The following CLRN1 variants were observed in gnomAD, a reference collection of about 807,000 sequenced individuals.
CLRN1 encodes the protein clarin-1.
Under a neutral mutation model 18.7 loss-of-function variants are expected in CLRN1, and 15 were observed. That is an observed-to-expected ratio of 0.80 (90% CI 0.54 to 1.23). The LOEUF (loss-of-function observed/expected upper bound fraction) is 1.23, where lower values mean the gene tolerates loss of function less well. Ranked by LOEUF, CLRN1 falls within the 50% of genes most tolerant of loss-of-function variation. The pLI, the probability that CLRN1 is intolerant of heterozygous loss-of-function variation, is 0.00. For missense variants in CLRN1, 311 were observed against 277.5 expected (o/e 1.12, Z -0.86); for synonymous variants, 104 against 102.9 (o/e 1.01, Z -0.07).
chr3:150,936,995 A>G (rs1713530781), intron 2 of CLRN1, among the ~76,000 whole-genome samples: 1 of 152,186 alleles, frequency 6.6e-6, no homozygotes, highest in Admixed American at 6.5e-5. Context: ...GATCTCTGCT[A>G]TCTTTCTCTT....
At chr3:150,938,870 C>T (rs1247095216) in intron 2 of CLRN1, among the ~76,000 whole-genome samples, 3 of 152,208 alleles carry the variant, frequency 2.0e-5, no homozygotes, top group Non-Finnish European at 4.4e-5. Context: ...GTTCTCCTTG[C>T]ATTAGGCCTG....
At chr3:150,969,777 C>G (rs993841838) in intron 1 of CLRN1, among the ~76,000 whole-genome samples, 1 of 151,880 alleles carries the variant, frequency 6.6e-6, no homozygotes, top group African/African-American at 2.4e-5. Context: ...ATGAGACCAG[C>G]CTGGCCCACA....
At chr3:150,955,850 A>G (rs1286700376) in intron 1 of CLRN1, among the ~76,000 whole-genome samples, 1 of 152,200 alleles carries the variant, frequency 6.6e-6, no homozygotes, top group Non-Finnish European at 1.5e-5. Flanking sequence ...GAACAATTTT[A>G]TAACTATGAA....
At chr3:150,970,517 G>GAA (rs11464588) in intron 1 of CLRN1, among the ~76,000 whole-genome samples, 3,264 of 144,140 alleles carry the variant, frequency 0.023, 44 homozygotes, top group African/African-American at 0.026. Flanking sequence ...TTATGCTTAG[G>GAA]AAAAAAAAAA....
rs1191347419 is a variant in CLRN1 at position 150,941,671 on chromosome 3, C to T, written c.344G>A (p.Gly115Glu). 6.2e-7 allele frequency: 1 copy of T among 1,613,882 alleles called. No individual in the cohort carries two copies. Residue 115 changes from glycine to glutamate, a missense_variant, in exon 2 of 3, where the codon GGG becomes GAG. Coordinates refer to ENST00000327047, the MANE Select transcript of CLRN1 (RefSeq NM_174878.3). ...AGCATTGTACATGAAGAAGGCTGTC[C>T]CCACCATGGTTAACACAATAAGGAT... ...SAILIVLTMV[G>E]TAFFMYNAFG...
chr3:150,944,876 G>A (rs1441333414), intron 1 of CLRN1, among the ~76,000 whole-genome samples: 2 of 152,218 alleles, frequency 1.3e-5, no homozygotes, highest in Admixed American at 1.3e-4. Flanking sequence ...CCCAGGATGG[G>A]AAGTGATGCA....
At chr3:150,930,608 T>A (rs1445698196) in intron 2 of CLRN1, among the ~76,000 whole-genome samples, 2 of 152,222 alleles carry the variant, frequency 1.3e-5, no homozygotes, top group Admixed American at 1.3e-4. Flanking sequence ...TATTTCTTTA[T>A]TGTTAGATCC....
chr3:150,962,870 C>T (rs1196227827), intron 1 of CLRN1, among the ~76,000 whole-genome samples: 1 of 152,086 alleles, frequency 6.6e-6, no homozygotes, highest in Non-Finnish European at 1.5e-5. Flanking sequence ...TTTTACCTTG[C>T]AAGGATCAAA....
At chr3:150,950,194 A>G (rs893429915) in intron 1 of CLRN1, among the ~76,000 whole-genome samples, 8 of 152,234 alleles carry the variant, frequency 5.3e-5, no homozygotes, top group African/African-American at 1.4e-4. Context: ...TGTAAAACCC[A>G]AAACTATAAA....
At chr3:150,936,664 T>C (rs765373419) in intron 2 of CLRN1, among the ~76,000 whole-genome samples, 9 of 152,228 alleles carry the variant, frequency 5.9e-5, no homozygotes, top group Non-Finnish European at 1.3e-4. Context: ...ATCAGATATC[T>C]TTTTAAAATC....
chr3:150,946,733 T>C (rs1714196512), intron 1 of CLRN1, among the ~76,000 whole-genome samples: 1 of 150,848 alleles, frequency 6.6e-6, no homozygotes, highest in Non-Finnish European at 1.5e-5. Flanking sequence ...TTTTTCACTT[T>C]TTATTTTTTT....
rs1212023142 is a variant in CLRN1 at position 150,941,575 on chromosome 3, T to C, written c.433+7A>G. The C allele has an allele frequency of 6.8e-6, 11 of 1,613,802 alleles. No individual in the cohort carries two copies. The highest frequency in any genetic ancestry group is 9.3e-6 in the Non-Finnish European group (11 of 1,179,814). ...ATTTGTCTTCAGAGGTAGAATTTTGTACTTACCTGAAATGAAGCTCAAAAG... is the reference window on the plus strand; with the variant it reads ...ATTTGTCTTCAGAGGTAGAATTTTGCACTTACCTGAAATGAAGCTCAAAAG... On this transcript the variant is annotated splice_region_variant and intron_variant, in intron 2 of 2. Transcript: ENST00000327047.
At chr3:150,957,250 C>G (rs1435220725) in intron 1 of CLRN1, among the ~76,000 whole-genome samples, 1 of 151,762 alleles carries the variant, frequency 6.6e-6, no homozygotes, top group Admixed American at 6.6e-5. Context: ...CACACACACA[C>G]ACACACACAC....
chr3:150,947,881 C>G (rs1714258348), intron 1 of CLRN1, among the ~76,000 whole-genome samples: 1 of 152,168 alleles, frequency 6.6e-6, no homozygotes, highest in Admixed American at 6.5e-5. Context: ...ATACCAGACT[C>G]TCTGGGACAC....
chr3:150,957,889 T>C (rs1418604379), intron 1 of CLRN1, among the ~76,000 whole-genome samples: 1 of 151,930 alleles, frequency 6.6e-6, no homozygotes, highest in Non-Finnish European at 1.5e-5. Flanking sequence ...GAACTCCTGA[T>C]CTTGTTTGTG....
chr3:150,928,847 A>G (rs1712974119), intron 2 of CLRN1, among the ~76,000 whole-genome samples: 1 of 152,204 alleles, frequency 6.6e-6, no homozygotes, highest in Non-Finnish European at 1.5e-5. Context: ...AGCATTGTTC[A>G]ACTAAGGGTG....
At chr3:150,943,932 G>A in intron 1 of CLRN1, 1 of 1,606,142 alleles carries the variant, frequency 6.2e-7, no homozygotes, top group Non-Finnish European at 8.5e-7. Flanking sequence ...GTTGAGCAGG[G>A]CAGGCTGAGT....
intron 1 of CLRN1, among the ~76,000 whole-genome samples, chr3:150,942,971 C>T (rs945182369): frequency 1.3e-5 from 2 of 152,134 alleles, no homozygotes; most frequent in Admixed American, 1.3e-4. Flanking sequence ...TGGAGGAGCA[C>T]TGAGGCACCA....
At chr3:150,965,475 A>G (rs1329826040) in intron 1 of CLRN1, among the ~76,000 whole-genome samples, 3 of 152,238 alleles carry the variant, frequency 2.0e-5, no homozygotes, top group Non-Finnish European at 2.9e-5. Context: ...ATACTGATAT[A>G]CTTTTATGAT....
Sources: allele counts gnomAD v4.1 joint callset (sites outside exome capture counted in the v4.1 genomes callset), GRCh38; gene constraint gnomAD v4.1.1; transcripts MANE v1.5; gene names NCBI Gene and HGNC (gene_info 2026-07-23, HGNC 2026-07-21).